The following LCORL variants were observed in gnomAD, a reference collection of about 807,000 sequenced individuals.
LCORL encodes ligand dependent nuclear receptor corepressor like, also known as ligand-dependent nuclear receptor corepressor-like protein.
A neutral mutation model predicts 141.8 loss-of-function variants in LCORL; 41 were observed. The ratio of observed to expected loss-of-function variants is 0.29; its 90% confidence interval spans 0.23 to 0.38. LCORL has a LOEUF of 0.38. LCORL is among the 10% of genes least tolerant of loss of function. The probability of loss-of-function intolerance (pLI) is 1.00; values close to 1 mark genes in which losing one functional copy is unlikely to be tolerated. For synonymous variants in LCORL, 618 were observed against 694.1 expected, an observed-to-expected ratio of 0.89 and a Z score of 1.72; for missense variants, 1,759 against 2,035.0, an observed-to-expected ratio of 0.86 and a Z score of 2.61.
intron 4 of LCORL, among the ~76,000 whole-genome samples, chr4:17,961,312 A>T (rs16896155): frequency 0.24 from 36,060 of 151,834 alleles, 5,460 homozygotes; most frequent in African/African-American, 0.43. Context: ...AAAAACTACT[A>T]CTGCTTGATA....
At chr4:17,987,990 C>A (rs889084991) in intron 1 of LCORL, among the ~76,000 whole-genome samples, 1 of 152,198 alleles carries the variant, frequency 6.6e-6, no homozygotes, top group African/African-American at 2.4e-5. Context: ...CAAATCTCAT[C>A]TTGTAGCTCC....
At chr4:17,859,006 G>C (rs1451954175) in intron 7 of LCORL, among the ~76,000 whole-genome samples, 1 of 152,186 alleles carries the variant, frequency 6.6e-6, no homozygotes, top group Non-Finnish European at 1.5e-5. Flanking sequence ...AACAATATCT[G>C]TAAAGTACAG....
chr4:17,875,596 T>C (rs1726837263), exon 7 of LCORL: 1 of 1,231,140 alleles, frequency 8.1e-7, no homozygotes. Context: ...ATACCTTCTT[T>C]TACTTCTGAT....
chr4:17,998,622 T>C (rs1721283964), intron 1 of LCORL, among the ~76,000 whole-genome samples: 2 of 152,098 alleles, frequency 1.3e-5, no homozygotes, highest in South Asian at 4.1e-4. Flanking sequence ...AATGCCTTCT[T>C]CTGGAATATC....
intron 5 of LCORL, among the ~76,000 whole-genome samples, chr4:17,897,134 G>T (rs1730060212): frequency 7.3e-6 from 1 of 137,028 alleles, no homozygotes; most frequent in Non-Finnish European, 1.5e-5. Context: ...GGACACTTAG[G>T]TTTCTTCCAA....
intron 1 of LCORL, among the ~76,000 whole-genome samples, chr4:17,986,169 G>A (rs946560571): frequency 3.9e-5 from 6 of 152,084 alleles, no homozygotes; most frequent in East Asian, 1.9e-4. Context: ...AATGACCTGC[G>A]CTTTCTCTCC....
At chr4:17,868,191 T>C (rs1230128001) in intron 7 of LCORL, among the ~76,000 whole-genome samples, 2 of 152,140 alleles carry the variant, frequency 1.3e-5, no homozygotes, top group South Asian at 2.1e-4. Context: ...TGAAGGAGTA[T>C]ATTACTTAGT....
chr4:17,884,966 C>T lies in LCORL; in HGVS notation c.776+1102G>A, dbSNP rs184549916. 4.9e-4 allele frequency among the ~76,000 whole-genome samples: 74 copies of T among 152,044 alleles called. 1 individual carries two copies. Among genetic ancestry groups the T allele is most frequent in the Middle Eastern group, 3.4e-3 (1 of 294 alleles). On this transcript the variant is annotated intron_variant, in intron 6 of 7. Coordinates refer to ENST00000635767, the Ensembl canonical transcript of LCORL. The surrounding 1 kb of genome is among the most constrained non-coding windows in gnomAD (Gnocchi z 4.4). Reference sequence around the variant, plus strand: ...TGTGACAATGATACGGTGGCCTCAACGGGCAGACCTTCCAAGAACATAAAA... The same window carrying T: ...TGTGACAATGATACGGTGGCCTCAATGGGCAGACCTTCCAAGAACATAAAA...
chr4:17,906,797 C>T (rs1008262810), intron 5 of LCORL, among the ~76,000 whole-genome samples: 1 of 151,858 alleles, frequency 6.6e-6, no homozygotes, highest in Admixed American at 6.5e-5. Flanking sequence ...AGCAATTCTC[C>T]TGCCTCAGCC....
chr4:17,988,252 T>C (rs1419811416), intron 1 of LCORL, among the ~76,000 whole-genome samples: 3 of 152,126 alleles, frequency 2.0e-5, no homozygotes, highest in Non-Finnish European at 1.5e-5. Context: ...TTTTGTAAAT[T>C]GCCCAGTCTC....
chr4:17,947,045 A>G (rs11936911), intron 4 of LCORL, among the ~76,000 whole-genome samples: 37,006 of 151,922 alleles, frequency 0.24, 5,862 homozygotes, highest in African/African-American at 0.45. Context: ...GTTTGTTGAT[A>G]AAATGTCTAC....
In LCORL at chr4:17,921,240, A is replaced by G. The variant is rs555484352; in HGVS notation, c.431-11895T>C. ...ACAGGGTTTCACCATGTTGGCCAGG[A>G]TGATCTCAAACTCCTGACATTGTGA... On this transcript the variant is annotated intron_variant, in intron 4 of 7. Transcript: ENST00000635767. 2.6e-5 allele frequency among the ~76,000 whole-genome samples: 4 copies of G among 151,892 alleles called. No homozygotes were observed. In the South Asian group the frequency reaches 6.3e-4, roughly 24 times the overall value.
exon 7 of LCORL, chr4:17,873,726 G>A: frequency 1.6e-6 from 2 of 1,233,764 alleles, no homozygotes; most frequent in Non-Finnish European, 2.0e-6. Flanking sequence ...TCCACTGTCA[G>A]TAGATTCAGG....
chr4:17,863,306 A>C (rs1725229970), intron 7 of LCORL, among the ~76,000 whole-genome samples: 1 of 152,146 alleles, frequency 6.6e-6, no homozygotes, highest in African/African-American at 2.4e-5. Context: ...ACAGAGTGAG[A>C]CTCTGTCTCA....
At chr4:17,910,761 G>A (rs1247360220) in intron 4 of LCORL, among the ~76,000 whole-genome samples, 1 of 152,166 alleles carries the variant, frequency 6.6e-6, no homozygotes, top group East Asian at 1.9e-4. Flanking sequence ...AGCTGGTCCT[G>A]CATAACTGTC....
chr4:17,945,811 TA>T (rs1014396404), intron 4 of LCORL, among the ~76,000 whole-genome samples: 37 of 146,198 alleles, frequency 2.5e-4, no homozygotes, highest in East Asian at 1.2e-3. Flanking sequence ...ACGTATATGT[TA>T]AAAAAAAAAA....
chr4:17,982,359 A>G (rs139293834), intron 1 of LCORL, among the ~76,000 whole-genome samples: 41 of 152,292 alleles, frequency 2.7e-4, no homozygotes, highest in African/African-American at 9.6e-4. Flanking sequence ...ACTGCCCACA[A>G]TGCTTTCCAC....
chr4:18,015,377 C>T (rs1036050435), intron 1 of LCORL, among the ~76,000 whole-genome samples: 8 of 152,040 alleles, frequency 5.3e-5, no homozygotes, highest in Non-Finnish European at 1.2e-4. Context: ...CTGCTTGGTT[C>T]CAAAAATGGC....
intron 4 of LCORL, among the ~76,000 whole-genome samples, chr4:17,955,341 GGAAA>G (rs1712382023): frequency 6.6e-6 from 1 of 152,124 alleles, no homozygotes; most frequent in African/African-American, 2.4e-5. Context: ...TGGAGTGGTA[GGAAA>G]GAAAGTCTAA....
Sources: gnomAD v4.1 joint callset for allele counts (sites outside exome capture counted in the v4.1 genomes callset) on GRCh38, gnomAD v4.1.1 for gene constraint, Gnocchi (gnomAD v3.1) non-coding constraint, MANE v1.5 for transcripts, NCBI Gene and HGNC (gene_info 2026-07-23, HGNC 2026-07-21) for gene names.